LRRD1: variants seen among roughly 807,000 people sequenced by gnomAD.
LRRD1 encodes the protein leucine rich repeats and death domain containing 1, also known as leucine-rich repeat and death domain-containing protein 1.
Under a neutral mutation model 69.5 loss-of-function variants are expected in LRRD1, and 49 were observed. That is an observed-to-expected ratio of 0.70 (90% CI 0.56 to 0.89). The LOEUF (loss-of-function observed/expected upper bound fraction) is 0.89. Ranked by LOEUF, LRRD1 falls within the 40% of genes least tolerant of loss-of-function variation. The pLI is 0.00. For missense variants in LRRD1, 853 were observed against 956.0 expected, an observed-to-expected ratio of 0.89 and a Z score of 1.42; for synonymous variants, 303 against 338.9, an observed-to-expected ratio of 0.89 and a Z score of 1.16.
intron 1 of LRRD1, among the ~76,000 whole-genome samples, chr7:92,166,866 G>C (rs1423081189): frequency 6.6e-6 from 1 of 152,050 alleles, no homozygotes; most frequent in South Asian, 2.1e-4. Flanking sequence ...AGCTAGAAAA[G>C]GTTATGCTCA....
chr7:92,146,945 A>C (rs1438689529), intron 4 of LRRD1, among the ~76,000 whole-genome samples: 1 of 152,004 alleles, frequency 6.6e-6, no homozygotes, highest in Non-Finnish European at 1.5e-5. Flanking sequence ...AAAAATGACA[A>C]TGACAATGCA....
chr7:92,143,607 C>G (rs368263475), downstream of LRRD1, among the ~76,000 whole-genome samples: 596 of 152,232 alleles, frequency 3.9e-3, 1 homozygote, highest in Middle Eastern at 0.034. Context: ...CTGGGCTGGC[C>G]GGCCGCTCCG....
intron 4 of LRRD1, among the ~76,000 whole-genome samples, 187 bp downstream of exon 4, chr7:92,150,347 C>T (rs1024078902): frequency 1.3e-5 from 2 of 152,208 alleles, no homozygotes; most frequent in Admixed American, 1.3e-4. Flanking sequence ...TGCCTGCAGT[C>T]CCTGCTACTC....
In LRRD1 at chr7:92,164,663, T is replaced by G; in HGVS notation, c.540A>C (p.Gln180His). The G allele has an allele frequency of 6.4e-7, 1 of 1,551,690 alleles. No homozygotes were observed. Among genetic ancestry groups the G allele is most frequent in the Non-Finnish European group, 8.7e-7 (1 of 1,146,912 alleles). The change falls in exon 2 of 6, where the codon CAA becomes CAC. Residue 180 changes from glutamine (Q) to histidine (H), a missense_variant. Physicochemically the swap from Gln to His is conservative, Grantham distance 24. Around this residue, in one of 3 missense-constraint regions of LRRD1, gnomAD observed 739 missense variants for 808.0 expected, o/e 0.91. Transcript: ENST00000458448. The stretch of plus-strand genomic sequence containing the variant: ...CTAACAGATCACCTGAGTCTGCCCC[T>G]TGAAATGTTTTGATTTGATTCTTGT... ...YLDKNQIKTF[Q>H]GADSGDLLGL...
intron 4 of LRRD1, chr7:92,149,974 A>G: frequency 2.2e-6 from 1 of 448,538 alleles, no homozygotes; most frequent in Non-Finnish European, 4.5e-6. Context: ...TAAGGTCAAT[A>G]GGGTAGGAAA....
chr7:92,146,270 C>A (rs962363959), intron 4 of LRRD1, 70 bp from the exon 5 acceptor site: 11 of 749,274 alleles, frequency 1.5e-5, no homozygotes, highest in South Asian at 2.2e-5. Flanking sequence ...CATATTATAT[C>A]TAGTTTTCTT....
intron 2 of LRRD1, among the ~76,000 whole-genome samples, chr7:92,161,497 A>C (rs1230901644): frequency 5.3e-5 from 8 of 152,248 alleles, no homozygotes; most frequent in Admixed American, 3.3e-4. Context: ...GAAGTCTGAC[A>C]ACTTTGATAA....
At position 92,167,099 on chromosome 7, in the gene LRRD1, CT is replaced by C. The variant is rs770765785; in HGVS notation, c.-74-1824del. Among the ~76,000 whole-genome samples, 739 of 139,346 alleles carry C rather than the reference CT, an allele frequency of 5.3e-3. 3 individuals carry two copies. The highest frequency in any genetic ancestry group is 9.8e-3 in the African/African-American group (374 of 38,328). The allele number at this position is 139,346 out of a possible 152,430, so 91.4% of individuals were successfully genotyped here. A position where few individuals can be genotyped will look rare whatever the true frequency, so the allele number is the denominator to read the frequency against. On this transcript the variant is annotated intron_variant, in intron 1 of 5. Coordinates refer to ENST00000458448, the MANE Select transcript of LRRD1 (RefSeq NM_001161528.2). ...CAACATACACAAGTCAATTTTCTTTCTTTTTTTTTTTTTTTGTGGGGACAGT... is the reference window on the plus strand; with the variant it reads ...CAACATACACAAGTCAATTTTCTTTCTTTTTTTTTTTTTTGTGGGGACAGT...
At chr7:92,155,627 G>A (rs562912638) in intron 3 of LRRD1, among the ~76,000 whole-genome samples, 2 of 152,236 alleles carry the variant, frequency 1.3e-5, no homozygotes, top group South Asian at 2.1e-4. Flanking sequence ...ATATAAAAGG[G>A]AGTTTATTAA....
At chr7:92,144,064 A>T (rs1002260817), downstream of LRRD1, among the ~76,000 whole-genome samples, 2 of 152,158 alleles carry the variant, frequency 1.3e-5, no homozygotes, top group Non-Finnish European at 2.9e-5. Context: ...GGAGAGGCTC[A>T]CATGACAGAC....
downstream of LRRD1, chr7:92,142,343 G>A: frequency 2.4e-6 from 1 of 414,192 alleles, no homozygotes; most frequent in Non-Finnish European, 4.8e-6. Context: ...AAGTGCAGAA[G>A]TATGGGGATT....
At chr7:92,168,090 T>A (rs1313924771) in intron 1 of LRRD1, among the ~76,000 whole-genome samples, 1 of 151,824 alleles carries the variant, frequency 6.6e-6, no homozygotes, top group African/African-American at 2.4e-5. Context: ...ATCCCAGAAC[T>A]CAAACATGAG....
At position 92,164,148 on chromosome 7, in the gene LRRD1, T is replaced by C; in HGVS notation, c.1055A>G (p.Lys352Arg). 1.7e-5 allele frequency: 26 copies of C among 1,549,096 alleles called. No homozygotes were observed. The highest frequency in any genetic ancestry group is 2.2e-5 in the Non-Finnish European group (25 of 1,146,282). The change falls in exon 2 of 6, where the codon AAA becomes AGA. Residue 352 changes from lysine (K) to arginine (R), a missense_variant. By Grantham distance (26) the Lys-to-Arg change is conservative (BLOSUM62 2). Coordinates refer to ENST00000458448, the MANE Select transcript of LRRD1 (RefSeq NM_001161528.2). ...TTTATTGTCGGCCAGTTGGAGTTCT[T>C]TTATTTTGAGTAACTGAAAAATTTC... ...AVEIFQLLKI[K>R]ELQLADNKLE...
chr7:92,159,260 A>C, intron 2 of LRRD1, 57 bp from the exon 3 acceptor site: 1 of 1,106,024 alleles, frequency 9.0e-7, no homozygotes, highest in East Asian at 3.2e-5. Flanking sequence ...TTGCATGACT[A>C]AAACTTCTTC....
chr7:92,171,367 C>A (rs1789053544), intron 1 of LRRD1, among the ~76,000 whole-genome samples: 1 of 151,850 alleles, frequency 6.6e-6, no homozygotes, highest in South Asian at 2.1e-4. Context: ...CACATAAATA[C>A]AAAGAATCAT....
chr7:92,142,592 C>T (rs1289758681), downstream of LRRD1: 8 of 450,400 alleles, frequency 1.8e-5, no homozygotes, highest in Non-Finnish European at 3.6e-5. Context: ...AAGTATGAAG[C>T]CGACCCTCAC....
intron 4 of LRRD1, 118 bp downstream of exon 4, chr7:92,150,416 G>T: frequency 1.2e-6 from 1 of 851,946 alleles, no homozygotes; most frequent in Non-Finnish European, 1.7e-6. Flanking sequence ...AGTGAGTCGT[G>T]ATCATGCCAC....
intron 1 of LRRD1, among the ~76,000 whole-genome samples, chr7:92,175,373 C>A (rs1388350511): frequency 6.6e-6 from 1 of 152,004 alleles, no homozygotes; most frequent in Non-Finnish European, 1.5e-5. Flanking sequence ...GCTGGCCAGG[C>A]GTGGTGGCTC....
At position 92,165,293 on chromosome 7, in the gene LRRD1, G is replaced by A; in HGVS notation, c.-74-17C>T. 1 of 652,532 alleles carries A rather than the reference G, an allele frequency of 1.5e-6. No individual in the cohort carries two copies. 40.4% of individuals were successfully genotyped at this position (652,532 alleles called of 1,614,324 possible). ...CCTTTGAATCTACAAAACAAATGTTGAAATTAAAAGATGTAAGAGATGTCA... is the reference window on the plus strand; with the variant it reads ...CCTTTGAATCTACAAAACAAATGTTAAAATTAAAAGATGTAAGAGATGTCA... On this transcript the variant is annotated splice_polypyrimidine_tract_variant and intron_variant, in intron 1 of 5. Coordinates refer to ENST00000458448, the MANE Select transcript of LRRD1 (RefSeq NM_001161528.2).
Sources: gnomAD v4.1 joint callset for allele counts (sites outside exome capture counted in the v4.1 genomes callset) on GRCh38, gnomAD v4.1.1 for gene constraint, gnomAD v4.1.1 regional missense constraint, MANE v1.5 for transcripts, NCBI Gene and HGNC (gene_info 2026-07-23, HGNC 2026-07-21) for gene names.